AFF3: variants seen among roughly 807,000 people sequenced by gnomAD.
AFF3 encodes AF4/FMR2 family member 3.
Under a neutral mutation model 129.7 loss-of-function variants are expected in AFF3, and 32 were observed. The ratio of observed to expected loss-of-function variants is 0.25; its 90% confidence interval spans 0.19 to 0.33. The LOEUF (loss-of-function observed/expected upper bound fraction) is 0.33. Ranked by LOEUF, AFF3 falls within the 10% of genes least tolerant of loss-of-function variation. AFF3 has a pLI of 1.00. For missense variants in AFF3, 1,373 were observed against 1,592.0 expected, an observed-to-expected ratio of 0.86 and a Z score of 2.34; for synonymous variants, 644 against 635.4, an observed-to-expected ratio of 1.01 and a Z score of -0.20.
At chr2:99,848,836 T>C (rs1689926757) in intron 7 of AFF3, among the ~76,000 whole-genome samples, 2 of 152,182 alleles carry the variant, frequency 1.3e-5, no homozygotes, top group Non-Finnish European at 2.9e-5. Flanking sequence ...AGGAATAATA[T>C]GCTTAATTAT....
At chr2:99,722,348 T>C (rs376102197) in intron 11 of AFF3, among the ~76,000 whole-genome samples, 2 of 152,250 alleles carry the variant, frequency 1.3e-5, no homozygotes, top group African/African-American at 4.8e-5. Flanking sequence ...GTTTTAGAGA[T>C]TCCAAACTCT....
chr2:99,752,638 C>A (rs993050629), intron 8 of AFF3, among the ~76,000 whole-genome samples: 2 of 152,110 alleles, frequency 1.3e-5, no homozygotes, highest in African/African-American at 4.8e-5. Context: ...GGGACTCGGA[C>A]TTGATCCCAC....
intron 8 of AFF3, among the ~76,000 whole-genome samples, chr2:99,783,786 T>C (rs1226240798): frequency 6.6e-6 from 1 of 152,242 alleles, no homozygotes; most frequent in Non-Finnish European, 1.5e-5. Context: ...CAGCCACTTT[T>C]CTAAAATATT....
chr2:99,918,322 T>C (rs1695620482), intron 7 of AFF3, among the ~76,000 whole-genome samples: 2 of 152,164 alleles, frequency 1.3e-5, no homozygotes, highest in Admixed American at 1.3e-4. Flanking sequence ...TCTGGGTATA[T>C]CTTGGGCCAT....
At chr2:100,132,143 G>A (rs1385238516) in intron 1 of AFF3, among the ~76,000 whole-genome samples, 3 of 152,196 alleles carry the variant, frequency 2.0e-5, no homozygotes, top group African/African-American at 2.4e-5. Flanking sequence ...TTAGACAGGA[G>A]GAATAAGTTC....
chr2:100,012,842 A>G (rs933853414), intron 4 of AFF3, among the ~76,000 whole-genome samples: 2 of 152,330 alleles, frequency 1.3e-5, no homozygotes, highest in Admixed American at 1.3e-4. Flanking sequence ...GCACGTTATG[A>G]GTTATGTTTC....
intron 2 of AFF3, among the ~76,000 whole-genome samples, chr2:100,108,267 C>T (rs151187581): frequency 1.2e-3 from 176 of 152,296 alleles, no homozygotes; most frequent in Non-Finnish European, 2.0e-3. Context: ...GATTTTAGAT[C>T]CACCCAGGAG....
At chr2:99,811,605 AG>A (rs1369897718) in intron 8 of AFF3, among the ~76,000 whole-genome samples, 2 of 152,232 alleles carry the variant, frequency 1.3e-5, no homozygotes, top group Non-Finnish European at 2.9e-5. Flanking sequence ...GAGGTTGTTC[AG>A]AAACTCAATA....
At chr2:99,928,935 G>A (rs546128368) in intron 7 of AFF3, among the ~76,000 whole-genome samples, 14 of 152,222 alleles carry the variant, frequency 9.2e-5, no homozygotes, top group South Asian at 4.1e-4. Context: ...AGCAGTGTGC[G>A]ACTCACACAT....
intron 2 of AFF3, chr2:100,110,086 A>C (rs184975174): frequency 6.6e-6 from 1 of 152,296 alleles, no homozygotes; most frequent in Non-Finnish European, 1.5e-5. Flanking sequence ...TCTAGCCTCA[A>C]CGTCTTCCTT....
Position 99,582,939 on chromosome 2 carries a change from A to G in AFF3, c.2652T>C (p.Ser884=), listed in dbSNP as rs1677719118. ...KMLRSPISPL[S]DASKHKYTSE... ...TGGTGTATTTGTGTTTAGATGCATCAGAGAGGGGTGAGATGGGCGACCGAA... is the reference window on the plus strand; with the variant it reads ...TGGTGTATTTGTGTTTAGATGCATCGGAGAGGGGTGAGATGGGCGACCGAA... Residue 884 remains serine, a synonymous_variant, in exon 17 of 25, where the codon TCT becomes TCC. Coordinates refer to ENST00000672756, the MANE Select transcript of AFF3 (RefSeq NM_001386135.1). 1.2e-6 allele frequency: 2 copies of G among 1,614,192 alleles called. No individual in the cohort carries two copies.
At chr2:100,040,754 C>T (rs1213097432) in intron 4 of AFF3, among the ~76,000 whole-genome samples, 2 of 152,210 alleles carry the variant, frequency 1.3e-5, no homozygotes, top group African/African-American at 2.4e-5. Flanking sequence ...TGTTAGAAAA[C>T]AGCTTCAGGG....
At chr2:99,733,337 G>A (rs1350368875) in intron 10 of AFF3, among the ~76,000 whole-genome samples, 3 of 145,896 alleles carry the variant, frequency 2.1e-5, no homozygotes, top group Non-Finnish European at 3.0e-5. Flanking sequence ...CCAAGATCGC[G>A]CCACTGCACT....
At chr2:99,928,609 A>T (rs2106287399) in intron 7 of AFF3, among the ~76,000 whole-genome samples, 1 of 152,344 alleles carries the variant, frequency 6.6e-6, no homozygotes, top group African/African-American at 2.4e-5. Context: ...GTATCTGTGT[A>T]AACTAAGTTA....
chr2:100,016,595 GGTGGTGGTA>G (rs1266933026), intron 4 of AFF3, among the ~76,000 whole-genome samples: 1 of 147,814 alleles, frequency 6.8e-6, no homozygotes, highest in African/African-American at 2.6e-5. Context: ...TAGTGATGGT[GGTGGTGGTA>G]GTGGTGGTAA....
chr2:99,712,214 C>T (rs950776939), intron 11 of AFF3, among the ~76,000 whole-genome samples: 1 of 152,150 alleles, frequency 6.6e-6, no homozygotes. Context: ...TTCCTAGGTC[C>T]TACTGGAATG....
At chr2:100,099,327 G>GTC (rs1478596814) in intron 4 of AFF3, among the ~76,000 whole-genome samples, 1 of 152,174 alleles carries the variant, frequency 6.6e-6, no homozygotes, top group Non-Finnish European at 1.5e-5. Flanking sequence ...GTCTAAAAAG[G>GTC]CCTGGAGGAA....
At chr2:99,961,828 T>C (rs1384167884) in intron 7 of AFF3, among the ~76,000 whole-genome samples, 2 of 152,172 alleles carry the variant, frequency 1.3e-5, no homozygotes, top group African/African-American at 4.8e-5. Context: ...GGTAAGTGCA[T>C]TCCTTCTGCA....
intron 8 of AFF3, among the ~76,000 whole-genome samples, chr2:99,817,779 C>T (rs1280524332): frequency 2.6e-5 from 4 of 152,138 alleles, no homozygotes; most frequent in Non-Finnish European, 5.9e-5. Flanking sequence ...GTTGCAGCTT[C>T]CATTGTCGGA....
Sources: allele counts gnomAD v4.1 joint callset (sites outside exome capture counted in the v4.1 genomes callset), GRCh38; gene constraint gnomAD v4.1.1; transcripts MANE v1.5; gene names NCBI Gene and HGNC (gene_info 2026-07-23, HGNC 2026-07-21).